The following CSMD1 variants were observed in gnomAD, a reference collection of about 807,000 sequenced individuals.
The protein encoded by CSMD1 is CUB and sushi domain-containing protein 1.
In CSMD1, 213 loss-of-function variants were observed where a neutral mutation model predicts 417.5. The ratio of observed to expected loss-of-function variants is 0.51; its 90% CI spans 0.46 to 0.57. The LOEUF (loss-of-function observed/expected upper bound fraction) is 0.57, where lower values mean the gene tolerates loss of function less well. CSMD1 is among the 20% of genes least tolerant of loss of function. CSMD1 has a pLI of 0.00. For synonymous variants in CSMD1, 2,862 were observed against 1,736.8 expected (o/e 1.65, Z -16.11); for missense variants, 6,923 against 4,529.7 (o/e 1.53, Z -15.17).
chr8:4,680,569 C>T (rs900562470), intron 1 of CSMD1, among the ~76,000 whole-genome samples: 4 of 152,020 alleles, frequency 2.6e-5, no homozygotes, highest in Admixed American at 6.6e-5. Flanking sequence ...GGGGCCACCA[C>T]ATTCTAAGAT....
chr8:4,858,956 A>G (rs1272747692), intron 1 of CSMD1, among the ~76,000 whole-genome samples: 1 of 150,764 alleles, frequency 6.6e-6, no homozygotes, highest in African/African-American at 2.4e-5. Context: ...CCGCATCGCC[A>G]AGGCAATCCT....
At chr8:3,742,720 G>C (rs1796874046) in intron 6 of CSMD1, among the ~76,000 whole-genome samples, 1 of 147,732 alleles carries the variant, frequency 6.8e-6, no homozygotes, top group Admixed American at 6.8e-5. Context: ...CATAGGATCA[G>C]AGAGAGAGAG....
intron 2 of CSMD1, among the ~76,000 whole-genome samples, chr8:4,561,549 G>A (rs1268400298): frequency 6.6e-6 from 1 of 152,124 alleles, no homozygotes; most frequent in African/African-American, 2.4e-5. Flanking sequence ...AGCCATGGTG[G>A]CATGCACCAG....
At chr8:4,047,909 A>G (rs1798231838) in intron 3 of CSMD1, among the ~76,000 whole-genome samples, 1 of 152,180 alleles carries the variant, frequency 6.6e-6, no homozygotes, top group African/African-American at 2.4e-5. Flanking sequence ...GATTTTATGT[A>G]GTATTATAAA....
intron 3 of CSMD1, among the ~76,000 whole-genome samples, chr8:4,139,458 G>A (rs1007207694): frequency 5.5e-5 from 8 of 144,450 alleles, no homozygotes; most frequent in Non-Finnish European, 1.2e-4. Flanking sequence ...CTGCCCTGGA[G>A]GCGTGGACAG....
chr8:3,505,043 G>C (rs756277978), intron 10 of CSMD1, among the ~76,000 whole-genome samples: 1 of 152,038 alleles, frequency 6.6e-6, no homozygotes, highest in Non-Finnish European at 1.5e-5. Context: ...TGCTGCATAA[G>C]ATGGGAGAAT....
intron 41 of CSMD1, among the ~76,000 whole-genome samples, chr8:3,129,089 T>C (rs1817659521): frequency 6.6e-6 from 1 of 152,158 alleles, no homozygotes; most frequent in South Asian, 2.1e-4. Context: ...TCAACATCAA[T>C]GAGCAAGACA....
At chr8:3,807,705 C>A (rs181863122) in intron 5 of CSMD1, among the ~76,000 whole-genome samples, 12 of 152,206 alleles carry the variant, frequency 7.9e-5, no homozygotes, top group African/African-American at 2.4e-4. Flanking sequence ...CTTCCTTGAG[C>A]TATAAGGGAT....
In CSMD1 at chr8:2,942,457, G is replaced by A. The variant is rs369815085; in HGVS notation, c.10535+15C>T. On this transcript the variant is annotated intron_variant, in intron 69 of 69. Coordinates refer to ENST00000635120, the MANE Select transcript of CSMD1 (RefSeq NM_033225.6). ...CACTCACAACATTCTCAAACAGATGGTGTTTCTGCAGTACCTGTGTTTGTA... is the reference window on the plus strand; with the variant it reads ...CACTCACAACATTCTCAAACAGATGATGTTTCTGCAGTACCTGTGTTTGTA... The A allele has an allele frequency of 1.6e-4, 258 of 1,607,554 alleles. No individual in the cohort carries two copies. In the African/African-American group the frequency reaches 3.0e-3, roughly 19 times the overall value.
At chr8:4,448,148 C>G (rs747698526) in intron 2 of CSMD1, among the ~76,000 whole-genome samples, 5 of 152,116 alleles carry the variant, frequency 3.3e-5, no homozygotes, top group Non-Finnish European at 7.4e-5. Flanking sequence ...GTGTATCGCT[C>G]GTATCACCTC....
intron 6 of CSMD1, among the ~76,000 whole-genome samples, chr8:3,725,161 G>T (rs1401704386): frequency 2.0e-5 from 3 of 152,142 alleles, no homozygotes; most frequent in African/African-American, 4.8e-5. Flanking sequence ...ACTAAAGGAG[G>T]GAGCTGTGCC....
chr8:3,625,388 T>G (rs962358421), intron 7 of CSMD1, among the ~76,000 whole-genome samples: 2 of 151,842 alleles, frequency 1.3e-5, no homozygotes, highest in Admixed American at 6.6e-5. Context: ...ATTTTCCAAG[T>G]GTTTAACTTA....
chr8:4,138,008 G>C (rs1461949445), intron 3 of CSMD1, among the ~76,000 whole-genome samples: 2 of 141,162 alleles, frequency 1.4e-5, no homozygotes, highest in African/African-American at 5.3e-5. Flanking sequence ...CTCCAGAGTA[G>C]CTGCGACTAG....
At chr8:3,781,479 T>G (rs1387501235) in intron 5 of CSMD1, among the ~76,000 whole-genome samples, 1 of 145,910 alleles carries the variant, frequency 6.9e-6, no homozygotes, top group Non-Finnish European at 1.5e-5. Context: ...CTGCTGATAG[T>G]TGCACCACGT....
chr8:4,255,967 T>G (rs1585107416), intron 3 of CSMD1, among the ~76,000 whole-genome samples: 2 of 152,174 alleles, frequency 1.3e-5, no homozygotes, highest in Non-Finnish European at 2.9e-5. Context: ...CAATAAAGCT[T>G]TGGTGAAAAT....
At chr8:4,658,399 G>A (rs1804375989) in intron 1 of CSMD1, among the ~76,000 whole-genome samples, 1 of 152,080 alleles carries the variant, frequency 6.6e-6, no homozygotes, top group South Asian at 2.1e-4. Context: ...AAGAGCACCT[G>A]CAAATTTCTC....
rs189012422 is a variant in CSMD1, at chr8:3,312,622, G to A, written c.3632-4119C>T. The stretch of plus-strand genomic sequence containing the variant: ...GGCCTTTACAATGGGAAGTAGCATT[G>A]GAATCACAGCCATCAATACCTTGAA... On this transcript the variant is annotated intron_variant, in intron 23 of 69. Coordinates refer to ENST00000635120, the MANE Select transcript of CSMD1 (RefSeq NM_033225.6). 7.9e-5 allele frequency among the ~76,000 whole-genome samples: 12 copies of A among 152,156 alleles called. No individual in the cohort carries two copies. The East Asian group carries it at 2.3e-3, about 29-fold the overall frequency.
intron 3 of CSMD1, among the ~76,000 whole-genome samples, chr8:4,346,475 C>T (rs936376450): frequency 2.0e-5 from 3 of 152,070 alleles, no homozygotes; most frequent in African/African-American, 7.2e-5. Context: ...TGATATAATC[C>T]ATCCCTGCTC....
intron 3 of CSMD1, among the ~76,000 whole-genome samples, chr8:4,414,021 G>A (rs564111858): frequency 1.3e-5 from 2 of 152,040 alleles, no homozygotes; most frequent in East Asian, 2.0e-4. Flanking sequence ...CTCTTCTTGT[G>A]CTAGCACGTT....
Sources: gnomAD v4.1 joint callset for allele counts (sites outside exome capture counted in the v4.1 genomes callset) on GRCh38, gnomAD v4.1.1 for gene constraint, MANE v1.5 for transcripts, NCBI Gene and HGNC (gene_info 2026-07-23, HGNC 2026-07-21) for gene names.